HSPA4L: variants seen among roughly 807,000 people sequenced by gnomAD.
HSPA4L encodes heat shock 70 kDa protein 4L.
A neutral mutation model predicts 100.3 loss-of-function variants in HSPA4L; 48 were observed. That is an observed-to-expected ratio of 0.48 (90% CI 0.38 to 0.61). HSPA4L has a LOEUF of 0.61. HSPA4L is among the 20% of genes least tolerant of loss of function. The pLI, the probability that HSPA4L is intolerant of heterozygous loss-of-function variation, is 0.00. For synonymous variants in HSPA4L, 319 were observed against 328.2 expected (o/e 0.97, Z 0.30); for missense variants, 886 against 988.6 (o/e 0.90, Z 1.39).
chr4:127,805,076 T>C lies in HSPA4L; in HGVS notation c.989T>C (p.Leu330Ser). The change falls in exon 9 of 19, where the codon TTA (leucine) becomes TCA (serine). Residue 330 changes from leucine to serine, a missense_variant. Leu to Ser is a moderately radical substitution (Grantham distance 145). Coordinates refer to ENST00000296464, the MANE Select transcript of HSPA4L (RefSeq NM_014278.4). ...PLKAVMEQAN[L>S]QREDISSIEI... Reference sequence around the variant, plus strand: ...CTCAATTAAAAAAATTTTCCAGACTTACAACGTGAAGACATTAGTAGTATA... The same window carrying C: ...CTCAATTAAAAAAATTTTCCAGACTCACAACGTGAAGACATTAGTAGTATA... The C allele has an allele frequency of 6.3e-7, 1 of 1,588,040 alleles. No individual in the cohort carries two copies. Among genetic ancestry groups the C allele is most frequent in the Non-Finnish European group, 8.6e-7 (1 of 1,168,686 alleles).
intron 11 of HSPA4L, among the ~76,000 whole-genome samples, chr4:127,809,795 C>T (rs116020948): frequency 7.2e-4 from 109 of 152,164 alleles, no homozygotes; most frequent in African/African-American, 2.5e-3. Context: ...TATATCATGT[C>T]CACAGTAGAT....
intron 11 of HSPA4L, among the ~76,000 whole-genome samples, chr4:127,810,947 T>TA (rs1266013842): frequency 1.3e-5 from 2 of 152,272 alleles, no homozygotes; most frequent in Non-Finnish European, 2.9e-5. Flanking sequence ...GTAGATTTCT[T>TA]AAAGCATTGA....
intron 3 of HSPA4L, among the ~76,000 whole-genome samples, chr4:127,796,894 T>C (rs1451070296): frequency 2.0e-5 from 3 of 152,234 alleles, no homozygotes; most frequent in Non-Finnish European, 4.4e-5. Flanking sequence ...TGGTGATCAG[T>C]GCACAGCTTT....
At chr4:127,823,272 A>G (rs1342609179) in intron 15 of HSPA4L, among the ~76,000 whole-genome samples, 1 of 151,980 alleles carries the variant, frequency 6.6e-6, no homozygotes, top group Non-Finnish European at 1.5e-5. Context: ...CCTCACCCTC[A>G]TAAGTAGATG....
chr4:127,802,064 A>G (rs953719443), intron 6 of HSPA4L, 146 bp downstream of exon 6: 1 of 554,260 alleles, frequency 1.8e-6, no homozygotes, highest in Non-Finnish European at 3.0e-6. Context: ...CAGTTTGTTT[A>G]TCTGAGAACA....
rs1464830007 is a variant in HSPA4L at position 127,833,374 on chromosome 4, A to C, written c.*500A>C. 1 of 152,650 alleles carries C rather than the reference A, an allele frequency of 6.6e-6. No individual in the cohort carries two copies. Among genetic ancestry groups the C allele is most frequent in the Non-Finnish European group, 1.5e-5 (1 of 68,058 alleles). The allele number at this position is 152,650 out of a possible 1,614,324, so 9.5% of individuals were successfully genotyped here. A position where few individuals can be genotyped will look rare whatever the true frequency, so the allele number is the denominator to read the frequency against. ...AAAACAAATAAGAGCTTTCTCAACA[A>C]ATTAGTCCATCTCATTGATGTACCA... On this transcript the variant is annotated 3_prime_UTR_variant, in exon 19 of 19. Coordinates refer to ENST00000296464, the MANE Select transcript of HSPA4L (RefSeq NM_014278.4).
At chr4:127,829,885 A>G (rs1190976879) in intron 17 of HSPA4L, among the ~76,000 whole-genome samples, 1 of 152,130 alleles carries the variant, frequency 6.6e-6, no homozygotes, top group East Asian at 1.9e-4. Context: ...GTGGCGACCT[A>G]GAAACTGAGT....
chr4:127,790,642 T>C (rs1732848445), intron 1 of HSPA4L, among the ~76,000 whole-genome samples: 1 of 152,206 alleles, frequency 6.6e-6, no homozygotes, highest in South Asian at 2.1e-4. Context: ...GCCTCAAACT[T>C]ACCTCAAGCC....
chr4:127,804,142 G>C, intron 8 of HSPA4L, 55 bp downstream of exon 8: 1 of 1,317,472 alleles, frequency 7.6e-7, no homozygotes, highest in Non-Finnish European at 1.1e-6. Flanking sequence ...CCTACTTAGC[G>C]GGGGTAGATA....
In HSPA4L at chr4:127,782,354, G is replaced by C; in HGVS notation, c.-197G>C. The C allele has an allele frequency of 5.2e-6, 3 of 571,930 alleles. No individual in the cohort carries two copies. The highest frequency in any genetic ancestry group is 9.4e-6 in the Non-Finnish European group (3 of 319,486). The allele number at this position is 571,930 out of a possible 1,614,324, so 35.4% of individuals were successfully genotyped here. ...AAAGACCCAGGCTGCGGGACGCGGT[G>C]CAGGCTGCGGCGCTGACGGCCTCTG... On this transcript the variant is annotated 5_prime_UTR_variant, in exon 1 of 19. Transcript: ENST00000296464.
At chr4:127,812,253 C>CA (rs1366566879) in intron 12 of HSPA4L, among the ~76,000 whole-genome samples, 23 of 151,496 alleles carry the variant, frequency 1.5e-4, no homozygotes, top group Non-Finnish European at 1.3e-4. Context: ...ACTAAAAATA[C>CA]AAAAAATTAG....
At chr4:127,820,302 T>C (rs1733774094) in intron 13 of HSPA4L, 126 bp from the exon 14 acceptor site, 1 of 738,522 alleles carries the variant, frequency 1.4e-6, no homozygotes, top group African/African-American at 1.8e-5. Context: ...ATAACATCAG[T>C]CTTAAGGTAG....
chr4:127,784,128 A>G (rs1335591458), intron 1 of HSPA4L, among the ~76,000 whole-genome samples: 3 of 152,288 alleles, frequency 2.0e-5, no homozygotes, highest in African/African-American at 7.2e-5. Context: ...GGCTTTCGCC[A>G]GAAACAGACC....
chr4:127,816,256 A>G (rs993327134), intron 12 of HSPA4L, among the ~76,000 whole-genome samples: 1 of 152,212 alleles, frequency 6.6e-6, no homozygotes, highest in African/African-American at 2.4e-5. Flanking sequence ...CAGTGAAGTC[A>G]GAGTCTAGAG....
At chr4:127,785,149 C>T (rs963642016) in intron 1 of HSPA4L, among the ~76,000 whole-genome samples, 1 of 152,160 alleles carries the variant, frequency 6.6e-6, no homozygotes, top group African/African-American at 2.4e-5. Flanking sequence ...TTAATTTAAC[C>T]TATTTAATTC....
chr4:127,822,332 G>A (rs117306709), intron 14 of HSPA4L, among the ~76,000 whole-genome samples: 3 of 152,220 alleles, frequency 2.0e-5, no homozygotes, highest in East Asian at 3.9e-4. Flanking sequence ...GTTTCAGCAC[G>A]TATCATAACT....
intron 1 of HSPA4L, chr4:127,783,464 T>C (rs1026389960): frequency 7.1e-7 from 1 of 1,417,676 alleles, no homozygotes; most frequent in South Asian, 1.6e-5. Context: ...GATTCTATTA[T>C]GAACGCTTAA....
At chr4:127,783,697 A>G in intron 1 of HSPA4L, 1 of 1,533,642 alleles carries the variant, frequency 6.5e-7, no homozygotes, top group Non-Finnish European at 8.7e-7. Flanking sequence ...TGGCATCTTA[A>G]TTTGACCGTT....
At chr4:127,809,307 C>T (rs1054205615) in intron 11 of HSPA4L, 46 of 1,206,716 alleles carry the variant, frequency 3.8e-5, no homozygotes, top group Non-Finnish European at 3.7e-6. Context: ...ACTCTCGAGA[C>T]CCTGTCTTAA....
Sources: allele counts gnomAD v4.1 joint callset (sites outside exome capture counted in the v4.1 genomes callset), GRCh38; gene constraint gnomAD v4.1.1; transcripts MANE v1.5; gene names NCBI Gene and HGNC (gene_info 2026-07-23, HGNC 2026-07-21).